Variants in RSRC1 observed in about 807,000 individuals in gnomAD.
RSRC1 encodes arginine and serine rich coiled-coil 1.
Under a neutral mutation model 49.1 loss-of-function variants are expected in RSRC1, and 39 were observed. The observed-to-expected ratio is 0.79, with a 90% CI of 0.61 to 1.04. RSRC1 has a LOEUF of 1.04. Ranked by LOEUF, RSRC1 falls within the 50% of genes least tolerant of loss-of-function variation. The pLI is 0.00. For missense variants in RSRC1, 388 were observed against 402.4 expected, an observed-to-expected ratio of 0.96 and a Z score of 0.31; for synonymous variants, 143 against 130.8, an observed-to-expected ratio of 1.09 and a Z score of -0.63.
intron 4 of RSRC1, among the ~76,000 whole-genome samples, chr3:158,209,401 A>G (rs1447822109): frequency 6.6e-6 from 1 of 152,114 alleles, no homozygotes; most frequent in African/African-American, 2.4e-5. Flanking sequence ...TGGACTTCCC[A>G]GCATCCAGAA....
chr3:158,381,291 C>A (rs1732683445), intron 6 of RSRC1, among the ~76,000 whole-genome samples: 1 of 152,154 alleles, frequency 6.6e-6, no homozygotes, highest in Non-Finnish European at 1.5e-5. Flanking sequence ...GTAATAATTT[C>A]TTAGCCACCT....
chr3:158,129,334 G>T (rs1389808699), intron 3 of RSRC1, among the ~76,000 whole-genome samples: 1 of 126,452 alleles, frequency 7.9e-6, no homozygotes, highest in Non-Finnish European at 1.6e-5. Context: ...CTATTGCCGA[G>T]ACTAGAGTAT....
intron 4 of RSRC1, among the ~76,000 whole-genome samples, chr3:158,294,975 G>A (rs1315633458): frequency 1.3e-5 from 2 of 152,130 alleles, no homozygotes; most frequent in African/African-American, 2.4e-5. Flanking sequence ...ATTGTATTGG[G>A]TGCTGGAATA....
At chr3:158,458,951 A>G (rs1239314386) in intron 6 of RSRC1, among the ~76,000 whole-genome samples, 4 of 152,322 alleles carry the variant, frequency 2.6e-5, no homozygotes, top group East Asian at 3.9e-4. Context: ...ATAGTCAATG[A>G]GGAGTTTATC....
chr3:158,127,054 T>C (rs1470229440), intron 3 of RSRC1, among the ~76,000 whole-genome samples: 3 of 152,158 alleles, frequency 2.0e-5, no homozygotes, highest in Non-Finnish European at 4.4e-5. Flanking sequence ...TTCAAGATTC[T>C]CTCTTTGCCT....
At chr3:158,508,166 G>A (rs1423965812) in intron 7 of RSRC1, among the ~76,000 whole-genome samples, 3 of 152,234 alleles carry the variant, frequency 2.0e-5, no homozygotes, top group East Asian at 1.9e-4. Context: ...GTCTTTCAAT[G>A]AGGATAGTTT....
chr3:158,171,937 G>C (rs190403533), intron 3 of RSRC1, among the ~76,000 whole-genome samples: 62 of 151,600 alleles, frequency 4.1e-4, no homozygotes, highest in South Asian at 1.7e-3. Context: ...GGGTAACAGA[G>C]CAAGGCTGTG....
At chr3:158,181,009 T>C (rs947809223) in intron 3 of RSRC1, among the ~76,000 whole-genome samples, 2 of 151,736 alleles carry the variant, frequency 1.3e-5, no homozygotes, top group African/African-American at 4.8e-5. Context: ...TTTCACTGTG[T>C]TGGCCAGGCT....
chr3:158,543,531 A>G, intron 9 of RSRC1, 44 bp downstream of exon 9: 2 of 1,560,336 alleles, frequency 1.3e-6, no homozygotes, highest in Middle Eastern at 1.7e-4. Flanking sequence ...AGTCTAATTT[A>G]CTGAAATTAT....
chr3:158,167,756 C>G (rs879438550), intron 3 of RSRC1, among the ~76,000 whole-genome samples: 7 of 152,096 alleles, frequency 4.6e-5, no homozygotes, highest in Non-Finnish European at 7.4e-5. Flanking sequence ...TTAATATGTG[C>G]TAGTTATAAC....
chr3:158,391,217 T>C (rs1342396045), intron 6 of RSRC1, among the ~76,000 whole-genome samples: 1 of 152,198 alleles, frequency 6.6e-6, no homozygotes, highest in Non-Finnish European at 1.5e-5. Context: ...TTTTTCTTTG[T>C]ATTTTTTAAG....
rs1287378803 is a variant in RSRC1 at position 158,473,948 on chromosome 3, TTATTATC to T, written c.652+12951_652+12957del. On this transcript the variant is annotated intron_variant, in intron 7 of 9. Coordinates refer to ENST00000611884, the MANE Select transcript of RSRC1 (RefSeq NM_001271838.2). ...ACATTAAGTATTCTTACTTAGGATATTATTATCTATTAAGTCTATAGTTAATGTAAAT... is the reference window on the plus strand; with the variant it reads ...ACATTAAGTATTCTTACTTAGGATATTATTAAGTCTATAGTTAATGTAAAT... Among the ~76,000 whole-genome samples, 6 of 152,198 alleles carry T rather than the reference TTATTATC, an allele frequency of 3.9e-5. No individual in the cohort carries two copies. In the East Asian group the frequency reaches 9.6e-4, roughly 24 times the overall value.
chr3:158,419,875 TAACA>T (rs987564457), intron 6 of RSRC1, among the ~76,000 whole-genome samples: 6 of 151,434 alleles, frequency 4.0e-5, no homozygotes, highest in African/African-American at 1.5e-4. Flanking sequence ...CACTTGATAT[TAACA>T]CTCAGTCTTA....
At chr3:158,542,623 AAAT>A (rs1174298660) in intron 8 of RSRC1, among the ~76,000 whole-genome samples, 1 of 152,226 alleles carries the variant, frequency 6.6e-6, no homozygotes, top group African/African-American at 2.4e-5. Flanking sequence ...TAGAATAGGC[AAAT>A]CCATAGAGAA....
At chr3:158,327,913 C>T (rs533426223) in intron 5 of RSRC1, among the ~76,000 whole-genome samples, 1 of 152,272 alleles carries the variant, frequency 6.6e-6, no homozygotes, top group African/African-American at 2.4e-5. Flanking sequence ...AATGTGGGTG[C>T]TCCTGTATTG....
chr3:158,126,904 G>T (rs1273515234), intron 3 of RSRC1, among the ~76,000 whole-genome samples: 1 of 59,804 alleles, frequency 1.7e-5, no homozygotes, highest in Non-Finnish European at 3.7e-5. Context: ...TTTTGTTTTT[G>T]TTTTTGTTTT....
intron 3 of RSRC1, among the ~76,000 whole-genome samples, chr3:158,186,880 A>T (rs1578176277): frequency 6.6e-6 from 1 of 151,924 alleles, no homozygotes; most frequent in African/African-American, 2.4e-5. Flanking sequence ...GGTTGATATG[A>T]TGAGAATTCC....
intron 4 of RSRC1, among the ~76,000 whole-genome samples, chr3:158,254,971 C>T (rs1342254051): frequency 6.6e-6 from 1 of 152,030 alleles, no homozygotes; most frequent in Non-Finnish European, 1.5e-5. Flanking sequence ...GATATTAGCC[C>T]TTTGTCAGAT....
Position 158,371,098 on chromosome 3 carries a change from A to G in RSRC1, c.583+16190A>G, listed in dbSNP as rs990427584. On this transcript the variant is annotated intron_variant, in intron 6 of 9. Transcript: ENST00000611884. The stretch of plus-strand genomic sequence containing the variant: ...TGTATACTTTCTGAAGTATCTGCTC[A>G]TATCTTTTGCCTGTTTTTAAAAGAA... 2.6e-5 allele frequency among the ~76,000 whole-genome samples: 4 copies of G among 151,782 alleles called. No individual in the cohort carries two copies. In the South Asian group the frequency reaches 6.2e-4, roughly 24 times the overall value.
Sources: allele counts gnomAD v4.1 joint callset (sites outside exome capture counted in the v4.1 genomes callset), GRCh38; gene constraint gnomAD v4.1.1; transcripts MANE v1.5; gene names NCBI Gene and HGNC (gene_info 2026-07-23, HGNC 2026-07-21).